Variants in ARID1B observed in about 807,000 individuals in gnomAD.
ARID1B encodes AT-rich interactive domain-containing protein 1B.
ARID1B carries 30 observed loss-of-function variants against 212.3 expected under a neutral mutation model. The observed-to-expected ratio is 0.14, with a 90% CI of 0.11 to 0.19. ARID1B has a LOEUF of 0.19. Among genes scored for constraint, ARID1B ranks in the 10% least tolerant of loss-of-function variants. The pLI, the probability that ARID1B is intolerant of heterozygous loss-of-function variation, is 1.00. For synonymous variants in ARID1B, 1,402 were observed against 1,301.7 expected, an observed-to-expected ratio of 1.08 and a Z score of -1.66; for missense variants, 2,891 against 3,204.0, an observed-to-expected ratio of 0.90 and a Z score of 2.36.
intron 6 of ARID1B, among the ~76,000 whole-genome samples, chr6:157,115,165 A>T (rs1787243085): frequency 6.6e-6 from 1 of 152,164 alleles, no homozygotes; most frequent in Non-Finnish European, 1.5e-5. Flanking sequence ...GAGTTTTGTC[A>T]CAGGACATCA....
At chr6:156,826,692 C>T (rs1396522255) in intron 1 of ARID1B, among the ~76,000 whole-genome samples, 1 of 152,140 alleles carries the variant, frequency 6.6e-6, no homozygotes, top group Non-Finnish European at 1.5e-5. Context: ...CAGCCTCAGC[C>T]CTCACCTCTG....
At chr6:157,121,289 C>CA (rs1318152704) in intron 6 of ARID1B, among the ~76,000 whole-genome samples, 3 of 152,162 alleles carry the variant, frequency 2.0e-5, no homozygotes, top group African/African-American at 7.2e-5. Flanking sequence ...CAACATTGCC[C>CA]TGTTTAAGTT....
chr6:157,006,894 A>G (rs77055617), intron 4 of ARID1B, among the ~76,000 whole-genome samples: 3,085 of 152,348 alleles, frequency 0.02, 113 homozygotes, highest in African/African-American at 0.07. Context: ...TCTTCCTTAA[A>G]TGGAAATGTT....
chr6:156,855,015 CG>C (rs1784819202), intron 2 of ARID1B, among the ~76,000 whole-genome samples: 1 of 152,002 alleles, frequency 6.6e-6, no homozygotes, highest in African/African-American at 2.4e-5. Flanking sequence ...ACTATGAGTT[CG>C]GGGCAGTTGG....
intron 4 of ARID1B, among the ~76,000 whole-genome samples, chr6:156,960,079 C>A (rs1370829207): frequency 2.6e-5 from 4 of 151,938 alleles, no homozygotes; most frequent in African/African-American, 9.7e-5. Context: ...TACAGGCACG[C>A]ACCACCATGC....
chr6:156,863,781 G>A (rs1281323557), intron 2 of ARID1B, among the ~76,000 whole-genome samples: 1 of 152,174 alleles, frequency 6.6e-6, no homozygotes, highest in Non-Finnish European at 1.5e-5. Context: ...TCAGCTGTTG[G>A]TTGGATGAAA....
At chr6:156,925,798 C>T (rs570253001) in intron 3 of ARID1B, among the ~76,000 whole-genome samples, 1 of 152,244 alleles carries the variant, frequency 6.6e-6, no homozygotes, top group Admixed American at 6.5e-5. Context: ...ATTTAGTAGT[C>T]TTCTGAACAG....
At chr6:157,019,658 C>G (rs1780109786) in intron 4 of ARID1B, among the ~76,000 whole-genome samples, 1 of 152,094 alleles carries the variant, frequency 6.6e-6, no homozygotes, top group Admixed American at 6.5e-5. Flanking sequence ...CCTGAAGGTT[C>G]TGTTTTAGGC....
chr6:156,823,981 T>TG (rs768273704), intron 1 of ARID1B, among the ~76,000 whole-genome samples: 7 of 152,218 alleles, frequency 4.6e-5, no homozygotes, highest in Non-Finnish European at 7.3e-5. Flanking sequence ...AAAGGACAGT[T>TG]GGATTCCCAG....
chr6:156,781,437 A>G (rs1004173511), intron 1 of ARID1B, among the ~76,000 whole-genome samples: 3 of 152,146 alleles, frequency 2.0e-5, no homozygotes, highest in African/African-American at 7.2e-5. Flanking sequence ...TGAAAGTTTA[A>G]AAAATCCTAA....
intron 4 of ARID1B, chr6:157,022,961 A>G (rs1163271032): frequency 7.6e-6 from 1 of 131,744 alleles, no homozygotes; most frequent in Non-Finnish European, 1.6e-5. Context: ...TTCTGTTTTT[A>G]TGCCTTGTAG....
intron 2 of ARID1B, among the ~76,000 whole-genome samples, chr6:156,864,610 C>G (rs114570809): frequency 6.6e-6 from 1 of 152,214 alleles, no homozygotes; most frequent in Non-Finnish European, 1.5e-5. Flanking sequence ...TCCCCAGAGG[C>G]GTCCACTTTC....
chr6:156,836,092 G>A (rs1292005865), intron 2 of ARID1B, among the ~76,000 whole-genome samples: 1 of 152,112 alleles, frequency 6.6e-6, no homozygotes, highest in Admixed American at 6.5e-5. Flanking sequence ...GGTAACAGTC[G>A]ACGTCAGTAA....
At chr6:157,034,333 C>G (rs1226075412) in intron 4 of ARID1B, among the ~76,000 whole-genome samples, 1 of 152,130 alleles carries the variant, frequency 6.6e-6, no homozygotes, top group Non-Finnish European at 1.5e-5. Flanking sequence ...CAGATAAATG[C>G]AGATTATAGG....
At position 157,170,716 on chromosome 6, in the gene ARID1B, A is replaced by G. The variant is rs371112891; in HGVS notation, c.3236-3292A>G. 1.3e-4 allele frequency among the ~76,000 whole-genome samples: 20 copies of G among 152,184 alleles called. No individual in the cohort carries two copies. The East Asian group carries it at 3.1e-3, about 24-fold the overall frequency. ...TGGGGAGGGGGCGCTGATGGCAATGATGGGGTATGCAGGGCCTCCAGGGTA... is the reference window on the plus strand; with the variant it reads ...TGGGGAGGGGGCGCTGATGGCAATGGTGGGGTATGCAGGGCCTCCAGGGTA... On this transcript the variant is annotated intron_variant, in intron 9 of 19. Transcript: ENST00000636930.
At chr6:157,012,695 A>G (rs549533816) in intron 4 of ARID1B, among the ~76,000 whole-genome samples, 18 of 152,294 alleles carry the variant, frequency 1.2e-4, no homozygotes, top group African/African-American at 4.1e-4. Flanking sequence ...CATTTATCCT[A>G]TTTGGCTTCC....
chr6:156,911,103 T>C (rs1038733442), intron 3 of ARID1B, among the ~76,000 whole-genome samples: 39 of 152,302 alleles, frequency 2.6e-4, no homozygotes, highest in Admixed American at 7.2e-4. Flanking sequence ...GAGATTGATA[T>C]AGGAATGTTG....
chr6:157,208,669 T>G lies in ARID1B; in HGVS notation c.*778T>G. On this transcript the variant is annotated 3_prime_UTR_variant, in exon 20 of 20. Coordinates refer to ENST00000636930, the MANE Select transcript of ARID1B (RefSeq NM_001374828.1). ...TTTTTTTACTGCCTATGGGCTGTGA[T>G]GTATATAGAAGTTGTACATTAAACA... The G allele has an allele frequency of 4.3e-6, 1 of 232,170 alleles. No homozygotes were observed. Among genetic ancestry groups the G allele is most frequent in the Non-Finnish European group, 8.5e-6 (1 of 117,440 alleles). The allele number at this position is 232,170 out of a possible 1,614,324, so 14.4% of individuals were successfully genotyped here.
chr6:156,903,495 G>A (rs531938174), intron 3 of ARID1B, among the ~76,000 whole-genome samples: 29 of 152,174 alleles, frequency 1.9e-4, no homozygotes, highest in Non-Finnish European at 3.1e-4. Flanking sequence ...GAAAGTTGGA[G>A]ACATTTGAGT....
Sources: allele counts gnomAD v4.1 joint callset (sites outside exome capture counted in the v4.1 genomes callset), GRCh38; gene constraint gnomAD v4.1.1; transcripts MANE v1.5; gene names NCBI Gene and HGNC (gene_info 2026-07-23, HGNC 2026-07-21).